Variants in UEVLD observed in about 807,000 individuals in gnomAD.
UEVLD encodes the protein ubiquitin-conjugating enzyme E2 variant 3.
UEVLD carries 47 observed loss-of-function variants against 58.6 expected under a neutral mutation model. The ratio of observed to expected loss-of-function variants is 0.80; its 90% confidence interval spans 0.63 to 1.02. The LOEUF (loss-of-function observed/expected upper bound fraction) is 1.02. Ranked by LOEUF, UEVLD falls within the 50% of genes least tolerant of loss-of-function variation. UEVLD has a pLI of 0.00. For synonymous variants in UEVLD, 197 were observed against 195.3 expected, an observed-to-expected ratio of 1.01 and a Z score of -0.07; for missense variants, 510 against 550.6, an observed-to-expected ratio of 0.93 and a Z score of 0.74.
intron 4 of UEVLD, among the ~76,000 whole-genome samples, chr11:18,567,135 C>T (rs1590354754): frequency 6.6e-6 from 1 of 152,134 alleles, no homozygotes; most frequent in East Asian, 1.9e-4. Context: ...AAGAAAAAGA[C>T]ATTCTCCTTT....
chr11:18,566,616 G>T, intron 4 of UEVLD, 134 bp from the exon 5 acceptor site: 1 of 874,622 alleles, frequency 1.1e-6, no homozygotes, highest in Non-Finnish European at 1.7e-6. Context: ...CTATACTCCA[G>T]CTTGGGCAAC....
chr11:18,542,043 G>A (rs868586067), intron 9 of UEVLD, among the ~76,000 whole-genome samples: 1 of 152,082 alleles, frequency 6.6e-6, no homozygotes, highest in Non-Finnish European at 1.5e-5. Flanking sequence ...ATATTTTGGG[G>A]GTCCCTGAGT....
intron 11 of UEVLD, among the ~76,000 whole-genome samples, 186 bp from the exon 12 acceptor site, chr11:18,532,673 T>A (rs1159824106): frequency 6.6e-6 from 1 of 152,220 alleles, no homozygotes; most frequent in Non-Finnish European, 1.5e-5. Context: ...ATTGATTCTA[T>A]AAACTTGTTA....
At chr11:18,565,032 C>A in intron 5 of UEVLD, 22 bp from the exon 6 acceptor site, 1 of 1,533,762 alleles carries the variant, frequency 6.5e-7, no homozygotes, top group Non-Finnish European at 8.9e-7. Flanking sequence ...GGTGAATTAT[C>A]CTGAGAATTC....
intron 9 of UEVLD, among the ~76,000 whole-genome samples, chr11:18,542,319 G>C (rs1851088919): frequency 6.6e-6 from 1 of 152,120 alleles, no homozygotes; most frequent in Non-Finnish European, 1.5e-5. Flanking sequence ...TTTTGAGTTT[G>C]AATGAGCCAT....
chr11:18,575,708 T>A (rs1171628362), intron 2 of UEVLD, among the ~76,000 whole-genome samples: 1 of 152,194 alleles, frequency 6.6e-6, no homozygotes, highest in Non-Finnish European at 1.5e-5. Flanking sequence ...ACTTTAATCA[T>A]CTTTGATCTT....
chr11:18,577,672 C>T (rs937772457), intron 2 of UEVLD, among the ~76,000 whole-genome samples: 4 of 152,080 alleles, frequency 2.6e-5, no homozygotes, highest in Admixed American at 1.3e-4. Context: ...GAGTTCGAGA[C>T]CAGACTGGCC....
intron 6 of UEVLD, among the ~76,000 whole-genome samples, chr11:18,560,233 G>A (rs911133941): frequency 1.3e-5 from 2 of 151,804 alleles, no homozygotes; most frequent in Non-Finnish European, 2.9e-5. Flanking sequence ...AGGTTGTAAG[G>A]ATTAATTATG....
At chr11:18,537,091 A>G (rs1376097996) in intron 9 of UEVLD, among the ~76,000 whole-genome samples, 2 of 150,988 alleles carry the variant, frequency 1.3e-5, no homozygotes, top group East Asian at 4.0e-4. Context: ...TAGTAGAGAC[A>G]GGGTTCACCA....
At position 18,529,839 on chromosome 11, in the gene UEVLD, C is replaced by T. The variant is rs1205878847; in HGVS notation, c.*2481G>A. ...TAGGGAGGTGGTGGTGGTGATATTG[C>T]TTCTTGACTTACACTGGGATTTACA... On this transcript the variant is annotated 3_prime_UTR_variant, in exon 12 of 12. Coordinates refer to ENST00000396197, the MANE Select transcript of UEVLD (RefSeq NM_001040697.4). 1.3e-5 allele frequency: 2 copies of T among 152,140 alleles called. No homozygotes were observed. The highest frequency in any genetic ancestry group is 3.8e-4 in the East Asian group (2 of 5,204). 9.4% of individuals were successfully genotyped at this position (152,140 alleles called of 1,614,324 possible). A position where few individuals can be genotyped will look rare whatever the true frequency, so the allele number is the denominator to read the frequency against.
intron 9 of UEVLD, 150 bp from the exon 10 acceptor site, chr11:18,536,619 C>T (rs1402533487): frequency 1.1e-5 from 7 of 626,204 alleles, no homozygotes; most frequent in Non-Finnish European, 1.9e-5. Flanking sequence ...CACTGGATAA[C>T]AATGAATGTG....
At chr11:18,581,986 TGGG>T (rs1391571006) in intron 1 of UEVLD, among the ~76,000 whole-genome samples, 3 of 152,196 alleles carry the variant, frequency 2.0e-5, no homozygotes, top group Non-Finnish European at 1.5e-5. Context: ...TTTAGTCTGT[TGGG>T]CAAAATGAGT....
At chr11:18,563,375 G>A (rs1234080054) in intron 6 of UEVLD, among the ~76,000 whole-genome samples, 1 of 152,090 alleles carries the variant, frequency 6.6e-6, no homozygotes, top group Non-Finnish European at 1.5e-5. Flanking sequence ...AAGATTGCTT[G>A]AGCCCAGGAA....
intron 8 of UEVLD, among the ~76,000 whole-genome samples, chr11:18,546,505 GTT>G (rs34286769): frequency 7.0e-5 from 10 of 142,888 alleles, no homozygotes; most frequent in South Asian, 2.2e-4. Context: ...TTTTGTTTTT[GTT>G]TTTTTTTTTT....
chr11:18,570,133 A>G, intron 4 of UEVLD, 81 bp downstream of exon 4: 1 of 1,356,060 alleles, frequency 7.4e-7, no homozygotes, highest in Non-Finnish European at 1.0e-6. Flanking sequence ...GCAGTATCAT[A>G]CTTATTTGTA....
chr11:18,577,910 G>C (rs971672623), intron 2 of UEVLD, among the ~76,000 whole-genome samples: 3 of 147,804 alleles, frequency 2.0e-5, no homozygotes, highest in African/African-American at 7.4e-5. Context: ...AGATAATAAA[G>C]TAAAATATTT....
At chr11:18,551,665 G>A (rs1253774328) in intron 7 of UEVLD, among the ~76,000 whole-genome samples, 1 of 152,130 alleles carries the variant, frequency 6.6e-6, no homozygotes, top group Non-Finnish European at 1.5e-5. Flanking sequence ...TTAGCATAAT[G>A]CTAAGTTTCC....
chr11:18,554,065 C>G (rs1851644624), intron 7 of UEVLD, among the ~76,000 whole-genome samples: 1 of 152,146 alleles, frequency 6.6e-6, no homozygotes. Flanking sequence ...TTCCCTCGGT[C>G]TGACTCCTAA....
At chr11:18,565,784 C>T (rs552778611) in intron 5 of UEVLD, among the ~76,000 whole-genome samples, 1 of 151,612 alleles carries the variant, frequency 6.6e-6, no homozygotes, top group South Asian at 2.1e-4. Context: ...TACCACTGCA[C>T]TCCAGCCTGG....
Sources: allele counts gnomAD v4.1 joint callset (sites outside exome capture counted in the v4.1 genomes callset), GRCh38; gene constraint gnomAD v4.1.1; transcripts MANE v1.5; gene names NCBI Gene and HGNC (gene_info 2026-07-23, HGNC 2026-07-21).